CACNA1E: variants seen among roughly 807,000 people sequenced by gnomAD.
CACNA1E encodes the protein voltage-dependent R-type calcium channel subunit alpha-1E.
CACNA1E carries 40 observed loss-of-function variants against 259.2 expected under a neutral mutation model. The observed-to-expected ratio is 0.15, with a 90% CI of 0.12 to 0.20. The LOEUF (loss-of-function observed/expected upper bound fraction) is 0.20. CACNA1E is among the 10% of genes least tolerant of loss of function. The pLI is 1.00. For synonymous variants in CACNA1E, 1,104 were observed against 1,138.5 expected (o/e 0.97, Z 0.61); for missense variants, 1,874 against 3,040.1 (o/e 0.62, Z 9.02).
chr1:181,391,706 G>T (rs114042167), intron 1 of CACNA1E, among the ~76,000 whole-genome samples: 3,669 of 152,302 alleles, frequency 0.024, 56 homozygotes, highest in African/African-American at 0.032. Context: ...TCTCTAGGGA[G>T]TCTGGGGAAT....
At chr1:181,623,875 T>G (rs549942844) in intron 6 of CACNA1E, among the ~76,000 whole-genome samples, 181 of 152,340 alleles carry the variant, frequency 1.2e-3, no homozygotes, top group Non-Finnish European at 2.1e-3. Flanking sequence ...TTGGGATGAC[T>G]GTGGCAGTGT....
intron 7 of CACNA1E, among the ~76,000 whole-genome samples, chr1:181,674,155 G>A (rs898496496): frequency 3.3e-5 from 5 of 150,732 alleles, no homozygotes; most frequent in African/African-American, 7.3e-5. Context: ...CAAGGCGGGC[G>A]GATCACGAGG....
intron 12 of CACNA1E, among the ~76,000 whole-genome samples, chr1:181,719,026 A>G (rs1441733631): frequency 2.0e-5 from 3 of 152,196 alleles, no homozygotes; most frequent in East Asian, 3.8e-4. Flanking sequence ...GCTAATCTAC[A>G]TTTTAACTTG....
In CACNA1E at chr1:181,625,174, A is replaced by C. The variant is rs186042498; in HGVS notation, c.952-26164A>C. ...TGTTTCATTTATAGAGCACAAGCAGAGTAGATTTAGCATAACTCCTAAGGG... is the reference window on the plus strand; with the variant it reads ...TGTTTCATTTATAGAGCACAAGCAGCGTAGATTTAGCATAACTCCTAAGGG... On this transcript the variant is annotated intron_variant, in intron 6 of 47. Transcript: ENST00000367573. Among the ~76,000 whole-genome samples the C allele has an allele frequency of 7.4e-4, 112 of 151,660 alleles. 1 individual carries two copies. The highest frequency in any genetic ancestry group is 2.5e-3 in the African/African-American group (105 of 41,324).
intron 2 of CACNA1E, among the ~76,000 whole-genome samples, chr1:181,455,793 C>T (rs570193042): frequency 3.3e-5 from 5 of 152,282 alleles, no homozygotes; most frequent in South Asian, 4.2e-4. Context: ...ATTCTGGCCT[C>T]GTTTCTGGGC....
At chr1:181,509,113 A>G (rs1329988997) in intron 1 of CACNA1E, among the ~76,000 whole-genome samples, 3 of 152,036 alleles carry the variant, frequency 2.0e-5, no homozygotes, top group Admixed American at 1.3e-4. Flanking sequence ...GCACTGCCAA[A>G]TGAGGATTAA....
intron 3 of CACNA1E, among the ~76,000 whole-genome samples, chr1:181,518,151 G>C (rs1470952896): frequency 6.6e-6 from 1 of 152,184 alleles, no homozygotes; most frequent in Admixed American, 6.5e-5. Flanking sequence ...GCTGAGTGGA[G>C]CAAGGCAAGG....
chr1:181,483,538 G>T lies in CACNA1E; in HGVS notation c.-207G>T, dbSNP rs1410540604. The T allele has an allele frequency of 8.4e-6, 3 of 356,884 alleles. No homozygotes were observed. Among genetic ancestry groups the T allele is most frequent in the Non-Finnish European group, 9.8e-6 (2 of 203,588 alleles). 22.1% of individuals were successfully genotyped at this position (356,884 alleles called of 1,614,324 possible). A position where few individuals can be genotyped will look rare whatever the true frequency, so the allele number is the denominator to read the frequency against. ...TTTCCTTCTTGAGGAATGGAGCTTC[G>T]CAGAGGTTGCATTTAGATTCAACAG... On this transcript the variant is annotated 5_prime_UTR_variant, in exon 1 of 48. Coordinates refer to ENST00000367573, the MANE Select transcript of CACNA1E (RefSeq NM_001205293.3).
At chr1:181,610,336 C>T (rs888839489) in intron 6 of CACNA1E, among the ~76,000 whole-genome samples, 7 of 152,156 alleles carry the variant, frequency 4.6e-5, no homozygotes, top group Admixed American at 3.3e-4. Flanking sequence ...AGGTTGAGAA[C>T]GCTCCTCCCA....
intron 2 of CACNA1E, among the ~76,000 whole-genome samples, chr1:181,465,633 A>G (rs1175643907): frequency 6.6e-6 from 1 of 151,984 alleles, no homozygotes; most frequent in Admixed American, 6.6e-5. Flanking sequence ...ATTGCCTTTA[A>G]TTTCAATGAT....
intron 1 of CACNA1E, among the ~76,000 whole-genome samples, chr1:181,411,760 C>A (rs1367745887): frequency 6.6e-6 from 1 of 152,232 alleles, no homozygotes; most frequent in African/African-American, 2.4e-5. Context: ...CAGGCACACG[C>A]CACCACACCT....
intron 6 of CACNA1E, among the ~76,000 whole-genome samples, chr1:181,643,430 C>T (rs989420937): frequency 1.3e-5 from 2 of 152,222 alleles, no homozygotes; most frequent in East Asian, 3.8e-4. Context: ...GACCCTGCCA[C>T]GGCAGCCTTC....
intron 7 of CACNA1E, among the ~76,000 whole-genome samples, chr1:181,684,785 G>A (rs1166938228): frequency 1.3e-5 from 2 of 150,690 alleles, no homozygotes; most frequent in Non-Finnish European, 3.0e-5. Flanking sequence ...TCTTCATTTG[G>A]TTTGCTGATT....
At chr1:181,531,302 G>C (rs989539296) in intron 3 of CACNA1E, among the ~76,000 whole-genome samples, 5 of 152,128 alleles carry the variant, frequency 3.3e-5, no homozygotes, top group African/African-American at 1.2e-4. Context: ...GCTTCCTAGG[G>C]GGATAGCCCC....
chr1:181,798,230 G>A lies in CACNA1E; in HGVS notation c.6400-62G>A, dbSNP rs896654000. ...TCAGATTCCAAGGACTCTCTTAACA[G>A]AGTTGCAAGTAGGGATCATGCCAAG... On this transcript the variant is annotated intron_variant, in intron 47 of 47. Transcript: ENST00000367573. The surrounding 1 kb of genome is among the most constrained non-coding windows in gnomAD (Gnocchi z 4.2). 2.2e-6 allele frequency: 3 copies of A among 1,356,020 alleles called. No homozygotes were observed. Among genetic ancestry groups the A allele is most frequent in the Non-Finnish European group, 3.0e-6 (3 of 986,866 alleles). 84.0% of individuals were successfully genotyped at this position (1,356,020 alleles called of 1,614,324 possible).
At chr1:181,714,760 C>T (rs866556738) in intron 8 of CACNA1E, among the ~76,000 whole-genome samples, 2 of 152,210 alleles carry the variant, frequency 1.3e-5, no homozygotes, top group African/African-American at 4.8e-5. Flanking sequence ...GGCTCAGGCT[C>T]TGGTCAACCA....
intron 2 of CACNA1E, among the ~76,000 whole-genome samples, chr1:181,471,210 G>A (rs1662482600): frequency 6.6e-6 from 1 of 152,138 alleles, no homozygotes; most frequent in South Asian, 2.1e-4. Flanking sequence ...ATGTCCTAAA[G>A]ACTTTACCTC....
At chr1:181,748,121 C>T (rs1378273382) in intron 25 of CACNA1E, among the ~76,000 whole-genome samples, 3 of 152,056 alleles carry the variant, frequency 2.0e-5, no homozygotes, top group African/African-American at 7.3e-5. Context: ...AGAGCAATGA[C>T]TAATTTTATT....
chr1:181,780,658 C>A (rs1660345154), intron 38 of CACNA1E, among the ~76,000 whole-genome samples: 1 of 152,196 alleles, frequency 6.6e-6, no homozygotes, highest in African/African-American at 2.4e-5. Flanking sequence ...TGTGGGAGAG[C>A]TGGGGAGGGT....
Sources: allele counts gnomAD v4.1 joint callset (sites outside exome capture counted in the v4.1 genomes callset), GRCh38; gene constraint gnomAD v4.1.1; non-coding constraint Gnocchi (gnomAD v3.1); transcripts MANE v1.5; gene names NCBI Gene and HGNC (gene_info 2026-07-23, HGNC 2026-07-21).